The following FAM78B variants were observed in gnomAD, a reference collection of about 807,000 sequenced individuals.
The protein encoded by FAM78B is protein FAM78B.
In FAM78B, 10 loss-of-function variants were observed where a neutral mutation model predicts 20.0. The ratio of observed to expected loss-of-function variants is 0.50; its 90% CI spans 0.31 to 0.85. The LOEUF (loss-of-function observed/expected upper bound fraction) is 0.85. FAM78B is among the 40% of genes least tolerant of loss of function. FAM78B has a pLI of 0.05. For missense variants in FAM78B, 283 were observed against 345.0 expected, an observed-to-expected ratio of 0.82 and a Z score of 1.42; for synonymous variants, 135 against 132.8, an observed-to-expected ratio of 1.02 and a Z score of -0.12.
chr1:166,091,285 T>C (rs909589490), intron 1 of FAM78B, among the ~76,000 whole-genome samples: 1 of 152,156 alleles, frequency 6.6e-6, no homozygotes, highest in Admixed American at 6.5e-5. Context: ...ATGGTTTGGC[T>C]GTGTCCCCAC....
At chr1:166,105,949 A>T (rs1653760606) in intron 1 of FAM78B, among the ~76,000 whole-genome samples, 1 of 152,000 alleles carries the variant, frequency 6.6e-6, no homozygotes, top group South Asian at 2.1e-4. Flanking sequence ...AAGACTTGGA[A>T]CCAAGCCAAA....
At chr1:166,119,945 C>T (rs1250556028) in intron 1 of FAM78B, among the ~76,000 whole-genome samples, 2 of 152,144 alleles carry the variant, frequency 1.3e-5, no homozygotes, top group African/African-American at 4.8e-5. Context: ...AGAGAAGATG[C>T]GCCAAGAGAG....
intron 1 of FAM78B, among the ~76,000 whole-genome samples, chr1:166,158,561 C>T (rs535059745): frequency 6.6e-6 from 1 of 152,284 alleles, no homozygotes; most frequent in East Asian, 1.9e-4. Flanking sequence ...TGTGTTATTT[C>T]CCTTCTCTTT....
At position 166,137,024 on chromosome 1, in the gene FAM78B, G is replaced by C. The variant is rs1395711473; in HGVS notation, c.263+28962C>G. Among the ~76,000 whole-genome samples the C allele has an allele frequency of 2.0e-5, 3 of 152,210 alleles. No individual in the cohort carries two copies. The South Asian group carries it at 6.2e-4, about 32-fold the overall frequency. On this transcript the variant is annotated intron_variant, in intron 1 of 1. Transcript: ENST00000354422. ...TGGAAAGAGAAGGGGCCTGAACCTA[G>C]ATCTTATTTTAGTCCTTTACTTTTC...
At chr1:166,068,077 T>C (rs959138743), downstream of FAM78B, among the ~76,000 whole-genome samples, 1 of 152,236 alleles carries the variant, frequency 6.6e-6, no homozygotes, top group Non-Finnish European at 1.5e-5. Context: ...TAAATTCTAA[T>C]TAATCTGTTG....
At position 166,130,379 on chromosome 1, in the gene FAM78B, A is replaced by G. The variant is rs983081901; in HGVS notation, c.263+35607T>C. On this transcript the variant is annotated intron_variant, in intron 1 of 1. Coordinates refer to ENST00000354422, the MANE Select transcript of FAM78B (RefSeq NM_001017961.5). ...ATCAGAGAAGACTGGAATGCCAGAG[A>G]AGGAGGAAGACAACCATGATGTCTT... Among the ~76,000 whole-genome samples the G allele has an allele frequency of 3.3e-5, 5 of 152,212 alleles. No homozygotes were observed. In the East Asian group the frequency reaches 5.8e-4, roughly 18 times the overall value.
At chr1:166,096,278 A>C (rs962155549) in intron 1 of FAM78B, among the ~76,000 whole-genome samples, 4 of 152,192 alleles carry the variant, frequency 2.6e-5, no homozygotes, top group Admixed American at 2.6e-4. Flanking sequence ...ATTACCCAGG[A>C]GCCACTGTTG....
At chr1:166,142,115 T>A (rs1655302789) in intron 1 of FAM78B, among the ~76,000 whole-genome samples, 3 of 152,112 alleles carry the variant, frequency 2.0e-5, no homozygotes, top group Admixed American at 2.0e-4. Context: ...CTTGGGACAG[T>A]CTGCATGGAA....
At chr1:166,091,511 TGA>T (rs1653072655) in intron 1 of FAM78B, among the ~76,000 whole-genome samples, 2 of 152,228 alleles carry the variant, frequency 1.3e-5, no homozygotes, top group East Asian at 3.8e-4. Flanking sequence ...ACCATGATTG[TGA>T]AGCCTGTCCA....
intron 1 of FAM78B, among the ~76,000 whole-genome samples, chr1:166,162,172 G>C (rs189061433): frequency 1.3e-5 from 2 of 152,322 alleles, no homozygotes; most frequent in Non-Finnish European, 2.9e-5. Flanking sequence ...GGAAATCACA[G>C]ACGAACTTAG....
intron 1 of FAM78B, among the ~76,000 whole-genome samples, chr1:166,158,096 C>T (rs1655987242): frequency 6.6e-6 from 1 of 152,208 alleles, no homozygotes; most frequent in Admixed American, 6.5e-5. Flanking sequence ...AAAGCTAGGT[C>T]CATTATCACT....
chr1:166,139,218 C>G (rs971319761), intron 1 of FAM78B, among the ~76,000 whole-genome samples: 6 of 152,068 alleles, frequency 3.9e-5, no homozygotes, highest in Admixed American at 3.9e-4. Flanking sequence ...TGGAGATGAG[C>G]CAACATAAGA....
At chr1:166,148,599 C>A (rs1255550131) in intron 1 of FAM78B, among the ~76,000 whole-genome samples, 1 of 152,210 alleles carries the variant, frequency 6.6e-6, no homozygotes, top group Non-Finnish European at 1.5e-5. Context: ...TGATGAAAAT[C>A]TGTATTAGAA....
chr1:166,087,658 C>G (rs976933530), intron 1 of FAM78B, among the ~76,000 whole-genome samples: 5 of 152,202 alleles, frequency 3.3e-5, no homozygotes, highest in Non-Finnish European at 1.5e-5. Flanking sequence ...TAATGTGTCT[C>G]TCTTTGCCCA....
At chr1:166,152,655 GATTTATTTATTTATTT>G (rs59226484) in intron 1 of FAM78B, among the ~76,000 whole-genome samples, 13 of 140,474 alleles carry the variant, frequency 9.3e-5, no homozygotes, top group Admixed American at 4.2e-4. Context: ...TGGTACTCTG[GATTTATTTATTTATTT>G]ATTTATTTAT....
intron 1 of FAM78B, among the ~76,000 whole-genome samples, chr1:166,084,119 C>T (rs181204259): frequency 1.3e-5 from 2 of 151,888 alleles, no homozygotes; most frequent in East Asian, 3.9e-4. Context: ...GACGCACATC[C>T]ACAGATAGTA....
intron 2 of FAM78B, among the ~76,000 whole-genome samples, chr1:166,061,895 C>T (rs1407303749): frequency 6.6e-6 from 1 of 152,234 alleles, no homozygotes; most frequent in Non-Finnish European, 1.5e-5. Flanking sequence ...CTGAGTCTGC[C>T]TGCTGCTCCT....
chr1:166,097,296 A>G (rs1653323212), intron 1 of FAM78B, among the ~76,000 whole-genome samples: 3 of 152,220 alleles, frequency 2.0e-5, no homozygotes, highest in South Asian at 4.1e-4. Context: ...GTAAAACTCC[A>G]CAGGGGGAAG....
intron 1 of FAM78B, among the ~76,000 whole-genome samples, chr1:166,118,985 G>A (rs12401942): frequency 0.027 from 4,149 of 152,108 alleles, 257 homozygotes; most frequent in Admixed American, 0.14. Flanking sequence ...GGGTCACTAC[G>A]CCTGTCTGCT....
Sources: allele counts gnomAD v4.1 joint callset (sites outside exome capture counted in the v4.1 genomes callset), GRCh38; gene constraint gnomAD v4.1.1; transcripts MANE v1.5; gene names NCBI Gene and HGNC (gene_info 2026-07-23, HGNC 2026-07-21).